The following NFASC variants were observed in gnomAD, a reference collection of about 807,000 sequenced individuals.
NFASC encodes the protein neurofascin.
A neutral mutation model predicts 147.5 loss-of-function variants in NFASC; 43 were observed. That is an observed-to-expected ratio of 0.29 (90% CI 0.23 to 0.38). The LOEUF is 0.38. NFASC is among the 10% of genes least tolerant of loss of function. The probability of loss-of-function intolerance (pLI) is 1.00; values close to 1 mark genes in which losing one functional copy is unlikely to be tolerated. For synonymous variants in NFASC, 622 were observed against 665.5 expected (o/e 0.93, Z 1.01); for missense variants, 1,320 against 1,689.0 (o/e 0.78, Z 3.83).
At chr1:204,855,133 T>C (rs2076040814) in intron 1 of NFASC, among the ~76,000 whole-genome samples, 1 of 152,262 alleles carries the variant, frequency 6.6e-6, no homozygotes, top group Admixed American at 6.5e-5. Flanking sequence ...TCCACCTGAC[T>C]CCAGCAACAG....
At chr1:204,874,821 A>G (rs1326878840) in intron 1 of NFASC, among the ~76,000 whole-genome samples, 1 of 152,200 alleles carries the variant, frequency 6.6e-6, no homozygotes, top group Non-Finnish European at 1.5e-5. Context: ...AAGGAGAGGT[A>G]ACTTTCCACT....
chr1:204,994,768 C>A (rs534727025), intron 24 of NFASC, among the ~76,000 whole-genome samples: 1 of 152,022 alleles, frequency 6.6e-6, no homozygotes. Flanking sequence ...TCTAATGATG[C>A]CTTTTAGATA....
At chr1:204,842,128 G>A (rs1375538103) in intron 1 of NFASC, among the ~76,000 whole-genome samples, 1 of 152,158 alleles carries the variant, frequency 6.6e-6, no homozygotes, top group Non-Finnish European at 1.5e-5. Context: ...TTACCAGACT[G>A]GAAACTCAAG....
chr1:204,938,861 G>C (rs944402329), intron 2 of NFASC, among the ~76,000 whole-genome samples: 7 of 152,162 alleles, frequency 4.6e-5, no homozygotes, highest in Non-Finnish European at 1.0e-4. Context: ...CCGGGAATCT[G>C]TATGTTTGAA....
chr1:204,893,305 A>T (rs2082751407), intron 1 of NFASC, among the ~76,000 whole-genome samples: 2 of 152,228 alleles, frequency 1.3e-5, no homozygotes, highest in Admixed American at 6.5e-5. Context: ...GTTACTGAAC[A>T]GCTGAAAATA....
intron 27 of NFASC, among the ~76,000 whole-genome samples, chr1:205,004,992 A>G (rs1235843143): frequency 6.6e-6 from 1 of 152,158 alleles, no homozygotes; most frequent in Non-Finnish European, 1.5e-5. Flanking sequence ...TGGGGGCGGG[A>G]TGGGGTAAGG....
chr1:204,941,095 C>T (rs2093333659), intron 2 of NFASC, among the ~76,000 whole-genome samples: 2 of 152,172 alleles, frequency 1.3e-5, no homozygotes, highest in African/African-American at 4.8e-5. Flanking sequence ...GGTGGAAAAT[C>T]CCTGGACTAG....
At chr1:204,863,106 G>A (rs1482064332) in intron 1 of NFASC, among the ~76,000 whole-genome samples, 1 of 152,190 alleles carries the variant, frequency 6.6e-6, no homozygotes, top group South Asian at 2.1e-4. Context: ...TGGTTCTTTC[G>A]AGATTTCAGA....
chr1:204,836,791 C>G (rs1256063185), intron 1 of NFASC, among the ~76,000 whole-genome samples: 1 of 152,254 alleles, frequency 6.6e-6, no homozygotes, highest in African/African-American at 2.4e-5. Context: ...TCATCACACA[C>G]TGAGTGGAAT....
intron 1 of NFASC, among the ~76,000 whole-genome samples, chr1:204,847,160 G>A (rs1037749631): frequency 3.9e-5 from 6 of 152,064 alleles, no homozygotes; most frequent in African/African-American, 1.5e-4. Flanking sequence ...CTAAGTGTGA[G>A]TGGCCTGTGA....
At chr1:204,980,937 T>C (rs2095498941) in intron 20 of NFASC, among the ~76,000 whole-genome samples, 1 of 152,242 alleles carries the variant, frequency 6.6e-6, no homozygotes, top group African/African-American at 2.4e-5. Context: ...CCCTCTGGTC[T>C]TAGAAAATCC....
chr1:204,957,075 T>C (rs578258275), intron 7 of NFASC, among the ~76,000 whole-genome samples: 2 of 152,354 alleles, frequency 1.3e-5, no homozygotes, highest in East Asian at 3.9e-4. Flanking sequence ...TTATAATCAG[T>C]AGTGCTTTCT....
At chr1:205,003,906 A>G (rs1558445553) in intron 27 of NFASC, among the ~76,000 whole-genome samples, 1 of 152,006 alleles carries the variant, frequency 6.6e-6, no homozygotes. Context: ...TGTCCTGCAC[A>G]TTTGCATGCC....
chr1:204,976,353 G>A (rs2095402922), intron 15 of NFASC, among the ~76,000 whole-genome samples: 4 of 152,208 alleles, frequency 2.6e-5, no homozygotes, highest in African/African-American at 9.6e-5. Context: ...TGGGCCTCAT[G>A]GTGCCCTCAT....
rs1490738666 is a variant in NFASC at position 204,987,337 on chromosome 1, C to T, written c.2471-81C>T. ...TTGTCCAGAGGTCAATGCCTTCATA[C>T]TTGTGCTTTGTTTTTTGTGTTTTCC... On this transcript the variant is annotated intron_variant, in intron 21 of 29. Transcript: ENST00000339876. This position sits in a 1 kb window ranked among gnomAD's most constrained non-coding sequence, Gnocchi z 4.4. 2 of 1,382,224 alleles carry T rather than the reference C, an allele frequency of 1.4e-6. No individual in the cohort carries two copies. The highest frequency in any genetic ancestry group is 2.0e-6 in the Non-Finnish European group (2 of 993,142). The allele number at this position is 1,382,224 out of a possible 1,614,324, so 85.6% of individuals were successfully genotyped here. A position where few individuals can be genotyped will look rare whatever the true frequency, so the allele number is the denominator to read the frequency against.
intron 3 of NFASC, chr1:204,946,871 C>A: frequency 2.1e-6 from 1 of 466,040 alleles, no homozygotes; most frequent in Non-Finnish European, 4.3e-6. Context: ...CCGCCCTGGA[C>A]CGCCTCATGG....
chr1:204,946,628 C>T (rs1053017624), intron 3 of NFASC: 9 of 497,442 alleles, frequency 1.8e-5, no homozygotes, highest in African/African-American at 1.2e-4. Flanking sequence ...ACTCTATGGC[C>T]GAGGCCATCT....
At chr1:204,956,776 G>T (rs1222493153) in intron 7 of NFASC, among the ~76,000 whole-genome samples, 1 of 152,142 alleles carries the variant, frequency 6.6e-6, no homozygotes, top group Admixed American at 6.6e-5. Context: ...TGTGCTTTAA[G>T]AAATGGTGAC....
chr1:204,881,364 G>T (rs2080189456), intron 1 of NFASC, among the ~76,000 whole-genome samples: 1 of 152,218 alleles, frequency 6.6e-6, no homozygotes, highest in African/African-American at 2.4e-5. Context: ...CAGATGCATA[G>T]CTCCCTCCTC....
Sources: allele counts gnomAD v4.1 joint callset (sites outside exome capture counted in the v4.1 genomes callset), GRCh38; gene constraint gnomAD v4.1.1; non-coding constraint Gnocchi (gnomAD v3.1); transcripts MANE v1.5; gene names NCBI Gene and HGNC (gene_info 2026-07-23, HGNC 2026-07-21).